BRI3: variants seen among roughly 807,000 people sequenced by gnomAD.
The protein encoded by BRI3 is brain protein I3.
A neutral mutation model predicts 12.8 loss-of-function variants in BRI3; 6 were observed. That is an observed-to-expected ratio of 0.47 (90% CI 0.26 to 0.93). BRI3 has a LOEUF of 0.93. Among genes scored for constraint, BRI3 ranks in the 40% least tolerant of loss-of-function variants. The pLI, the probability that BRI3 is intolerant of heterozygous loss-of-function variation, is 0.15. For missense variants in BRI3, 134 were observed against 171.1 expected, an observed-to-expected ratio of 0.78 and a Z score of 1.21; for synonymous variants, 91 against 76.1, an observed-to-expected ratio of 1.20 and a Z score of -1.02.
In BRI3 at chr7:98,291,146, GCATCTTCCTGGC is replaced by G; in HGVS notation, c.286_297del (p.Phe96_Ile99del). On this transcript the variant is annotated inframe_deletion, in exon 3 of 3. Coordinates refer to ENST00000297290, the MANE Select transcript of BRI3 (RefSeq NM_015379.5). ...CTGGAGGACTGCTTCACCTTCCTGGGCATCTTCCTGGCCATCATCCTCTTCCCCTTTGGGTTC... is the reference window on the plus strand; with the variant it reads ...CTGGAGGACTGCTTCACCTTCCTGGGCATCATCCTCTTCCCCTTTGGGTTC... 9 of 1,614,164 alleles carry G rather than the reference GCATCTTCCTGGC, an allele frequency of 5.6e-6. No individual in the cohort carries two copies. The highest frequency in any genetic ancestry group is 7.6e-6 in the Non-Finnish European group (9 of 1,180,038).
intron 2 of BRI3, among the ~76,000 whole-genome samples, chr7:98,287,208 AGACCCGGGGGCCTTGGCCCTCCT>A (rs1799739738): frequency 6.6e-6 from 1 of 152,208 alleles, no homozygotes; most frequent in Non-Finnish European, 1.5e-5. Context: ...CTCTCCCCAG[AGACCCGGGGGCCTTGGCCCTCCT>A]ACCCTCTCTT....
At chr7:98,297,426 GGCCC>G, downstream of BRI3, among the ~76,000 whole-genome samples, 1 of 152,200 alleles carries the variant, frequency 6.6e-6, no homozygotes, top group East Asian at 1.9e-4. Context: ...GAATGCTGGT[GGCCC>G]TCACTGCAGA....
At chr7:98,291,588 A>C, downstream of BRI3, 1 of 1,038,106 alleles carries the variant, frequency 9.6e-7, no homozygotes. Context: ...CGACACCCCC[A>C]TCGCTCCCCC....
At position 98,282,205 on chromosome 7, in the gene BRI3, A is replaced by T. The variant is rs1584384714; in HGVS notation, c.143-146A>T. 4.7e-6 allele frequency: 4 copies of T among 845,286 alleles called. No homozygotes were observed. In the East Asian group the frequency reaches 1.1e-4, roughly 23 times the overall value. The allele number at this position is 845,286 out of a possible 1,614,324, so 52.4% of individuals were successfully genotyped here. A position where few individuals can be genotyped will look rare whatever the true frequency, so the allele number is the denominator to read the frequency against. On this transcript the variant is annotated intron_variant, in intron 1 of 2. Transcript: ENST00000297290. Reference sequence around the variant, plus strand: ...GCTCGCTGTTGGCAGATTAGCGCCGAATCAGGCCCGCGGTGGCCGTCCCGA... The same window carrying T: ...GCTCGCTGTTGGCAGATTAGCGCCGTATCAGGCCCGCGGTGGCCGTCCCGA...
chr7:98,320,275 T>C, the BRI3 span: 1 of 1,608,940 alleles, frequency 6.2e-7, no homozygotes, highest in African/African-American at 1.3e-5. Flanking sequence ...TTGTGGGTAC[T>C]TGAAATCTCT....
the BRI3 span, among the ~76,000 whole-genome samples, chr7:98,317,777 C>T: frequency 6.7e-6 from 1 of 149,978 alleles, no homozygotes; most frequent in African/African-American, 2.5e-5. Flanking sequence ...CATCCTCACA[C>T]TGGCCGGGGC....
downstream of BRI3, among the ~76,000 whole-genome samples, chr7:98,294,790 A>T (rs1460852624): frequency 6.6e-6 from 1 of 152,224 alleles, no homozygotes; most frequent in African/African-American, 2.4e-5. Context: ...GGGATCTTGT[A>T]GGAAGCTCAA....
downstream of BRI3, among the ~76,000 whole-genome samples, chr7:98,295,839 A>G (rs576025293): frequency 3.9e-5 from 6 of 152,288 alleles, no homozygotes; most frequent in African/African-American, 1.4e-4. Context: ...AAATCCTCAC[A>G]AAGAACGCAG....
chr7:98,294,642 C>T (rs1800110561), downstream of BRI3, among the ~76,000 whole-genome samples: 1 of 152,184 alleles, frequency 6.6e-6, no homozygotes, highest in South Asian at 2.1e-4. Flanking sequence ...AACAGAGATC[C>T]CACAGGTCCT....
At chr7:98,282,321 C>T (rs1442001591) in intron 1 of BRI3, 30 bp from the exon 2 acceptor site, 1 of 1,560,380 alleles carries the variant, frequency 6.4e-7, no homozygotes, top group Admixed American at 1.7e-5. Context: ...CTCCTCCCTG[C>T]ACCCTAATGA....
At chr7:98,297,806 G>A (rs1359523497), downstream of BRI3, among the ~76,000 whole-genome samples, 1 of 152,232 alleles carries the variant, frequency 6.6e-6, no homozygotes, top group Non-Finnish European at 1.5e-5. Flanking sequence ...TCTCAGGAGG[G>A]GCTCACGCCA....
At chr7:98,290,320 T>C (rs1246760901) in intron 2 of BRI3, among the ~76,000 whole-genome samples, 16 of 147,456 alleles carry the variant, frequency 1.1e-4, no homozygotes, top group East Asian at 1.1e-3. Context: ...CTCAGCCTCC[T>C]GAGTAGCTGG....
At chr7:98,296,201 G>A (rs1024163264), downstream of BRI3, among the ~76,000 whole-genome samples, 3 of 152,242 alleles carry the variant, frequency 2.0e-5, no homozygotes, top group Non-Finnish European at 4.4e-5. Context: ...GAGAAGGGAT[G>A]GTCACGGAGG....
At chr7:98,318,195 C>A in the BRI3 span, among the ~76,000 whole-genome samples, 3 of 152,164 alleles carry the variant, frequency 2.0e-5, no homozygotes, top group Non-Finnish European at 2.9e-5. Context: ...ATGAGGAGCC[C>A]CCGACCAGAA....
Position 98,291,394 on chromosome 7 carries a change from G to A in BRI3, c.*151G>A, listed in dbSNP as rs996593100. The A allele has an allele frequency of 6.8e-6, 10 of 1,463,806 alleles. No individual in the cohort carries two copies. The highest frequency in any genetic ancestry group is 2.8e-5 in the African/African-American group (2 of 70,342). 90.7% of individuals were successfully genotyped at this position (1,463,806 alleles called of 1,614,324 possible). On this transcript the variant is annotated 3_prime_UTR_variant, in exon 3 of 3. Transcript: ENST00000297290. ...CACGCCAGCTGCGGTTTCCCGGAGC[G>A]TGGAGAGGCAGTGCTGCTGCTCCCG... is the stretch of plus-strand genomic sequence containing the variant.
intron 1 of BRI3, 132 bp downstream of exon 1, chr7:98,282,069 G>C (rs1799535854): frequency 1.6e-6 from 2 of 1,249,324 alleles, no homozygotes; most frequent in African/African-American, 1.6e-5. Context: ...GGCTGGCTTC[G>C]GGACCCGGCG....
At chr7:98,310,659 G>T, downstream of BRI3, 2 of 1,290,396 alleles carry the variant, frequency 1.5e-6, no homozygotes, top group Non-Finnish European at 2.1e-6. Flanking sequence ...AGATTCCCAA[G>T]GCTGTTTTTT....
downstream of BRI3, among the ~76,000 whole-genome samples, chr7:98,313,192 C>T (rs1800938627): frequency 1.3e-5 from 2 of 151,106 alleles, no homozygotes; most frequent in Non-Finnish European, 2.9e-5. Flanking sequence ...CGTGGACCAG[C>T]TGCTTGGGCC....
At chr7:98,315,623 A>G in the BRI3 span, 77 of 1,207,840 alleles carry the variant, frequency 6.4e-5, 1 homozygote, top group South Asian at 1.3e-3. Flanking sequence ...CTAAAAAAAA[A>G]AAAATAATAA....
Sources: allele counts gnomAD v4.1 joint callset (sites outside exome capture counted in the v4.1 genomes callset), GRCh38; gene constraint gnomAD v4.1.1; transcripts MANE v1.5; gene names NCBI Gene and HGNC (gene_info 2026-07-23, HGNC 2026-07-21).